Variants in ADGRL3 observed in about 807,000 individuals in gnomAD.
ADGRL3 encodes calcium-independent alpha-latrotoxin receptor 3.
In ADGRL3, 62 loss-of-function variants were observed where a neutral mutation model predicts 153.5. The ratio of observed to expected loss-of-function variants is 0.40; its 90% confidence interval spans 0.33 to 0.50. ADGRL3 has a LOEUF of 0.50. Among genes scored for constraint, ADGRL3 ranks in the 20% least tolerant of loss-of-function variants. The probability of loss-of-function intolerance (pLI) is 0.47; values close to 1 mark genes in which losing one functional copy is unlikely to be tolerated. For synonymous variants in ADGRL3, 710 were observed against 672.5 expected (o/e 1.06, Z -0.86); for missense variants, 1,641 against 1,859.4 (o/e 0.88, Z 2.16).
At chr4:61,555,478 T>C (rs766208177) in intron 4 of ADGRL3, among the ~76,000 whole-genome samples, 13 of 152,148 alleles carry the variant, frequency 8.5e-5, no homozygotes, top group Non-Finnish European at 1.9e-4. Context: ...AAATATTAAA[T>C]GAATGCACAC....
At chr4:61,876,655 A>G (rs973477488) in intron 9 of ADGRL3, among the ~76,000 whole-genome samples, 2 of 151,926 alleles carry the variant, frequency 1.3e-5, no homozygotes, top group African/African-American at 2.4e-5. Context: ...AGTAGAGAGT[A>G]TGAGAAATAA....
chr4:61,298,858 A>C (rs1201121381), intron 1 of ADGRL3, among the ~76,000 whole-genome samples: 3 of 152,274 alleles, frequency 2.0e-5, no homozygotes, highest in African/African-American at 7.2e-5. Flanking sequence ...TCCATTTCCA[A>C]ATAAATGACT....
chr4:61,643,530 G>A (rs927102225), intron 5 of ADGRL3, among the ~76,000 whole-genome samples: 350 of 151,938 alleles, frequency 2.3e-3, no homozygotes, highest in Non-Finnish European at 1.7e-3. Flanking sequence ...GGACTTTTTT[G>A]CATCTATTGA....
intron 8 of ADGRL3, among the ~76,000 whole-genome samples, chr4:61,747,002 G>T (rs969323336): frequency 6.6e-6 from 1 of 152,098 alleles, no homozygotes; most frequent in Non-Finnish European, 1.5e-5. Context: ...TCAAATAGAT[G>T]CAATAAAAAA....
chr4:61,756,096 A>G (rs915272742), intron 8 of ADGRL3, among the ~76,000 whole-genome samples: 10 of 152,112 alleles, frequency 6.6e-5, no homozygotes, highest in South Asian at 2.1e-4. Context: ...TTGACTTGGC[A>G]ATGCGGGCTC....
intron 9 of ADGRL3, among the ~76,000 whole-genome samples, chr4:61,889,056 C>T (rs1186700599): frequency 1.3e-5 from 2 of 152,150 alleles, no homozygotes; most frequent in African/African-American, 4.8e-5. Context: ...TTGTGGGATA[C>T]TATATTCTCC....
chr4:61,381,989 A>C (rs2096674393), intron 1 of ADGRL3, among the ~76,000 whole-genome samples: 1 of 151,958 alleles, frequency 6.6e-6, no homozygotes, highest in Admixed American at 6.6e-5. Context: ...TCCTGAACAA[A>C]ATATAACGCT....
At chr4:61,494,251 A>G (rs1257176454) in intron 2 of ADGRL3, among the ~76,000 whole-genome samples, 1 of 152,150 alleles carries the variant, frequency 6.6e-6, no homozygotes, top group Admixed American at 6.5e-5. Context: ...GAAATGCTAT[A>G]TATACATTTA....
At chr4:61,556,359 G>C (rs1447177653) in intron 4 of ADGRL3, among the ~76,000 whole-genome samples, 2 of 152,118 alleles carry the variant, frequency 1.3e-5, no homozygotes, top group African/African-American at 4.8e-5. Flanking sequence ...AAGGCTGTGA[G>C]ACAGGAGTTT....
intron 8 of ADGRL3, among the ~76,000 whole-genome samples, chr4:61,736,633 G>C (rs1407262588): frequency 2.6e-5 from 4 of 152,164 alleles, no homozygotes; most frequent in Non-Finnish European, 5.9e-5. Context: ...ACGCCAGCCT[G>C]AGTGACAGAG....
Position 61,750,182 on chromosome 4 carries a change from TAAAAAAAA to T in ADGRL3, c.1399+16646_1399+16653del, listed in dbSNP as rs60768535. ...GAGAAGAAAGAAAAAAGGGGATGGT[TAAAAAAAA>T]AAAAAAAAAAAAAAAAAGGCAGTAT... On this transcript the variant is annotated intron_variant, in intron 8 of 26. Coordinates refer to ENST00000683033, the MANE Select transcript of ADGRL3 (RefSeq NM_001387552.1). Among the ~76,000 whole-genome samples, 9 of 94,620 alleles carry T rather than the reference TAAAAAAAA, an allele frequency of 9.5e-5. No homozygotes were observed. In the East Asian group the frequency reaches 2.5e-3, roughly 27 times the overall value. 62.1% of individuals were successfully genotyped at this position (94,620 alleles called of 152,430 possible). A position where few individuals can be genotyped will look rare whatever the true frequency, so the allele number is the denominator to read the frequency against.
chr4:61,782,391 A>G (rs982111324), intron 8 of ADGRL3, among the ~76,000 whole-genome samples: 14 of 152,300 alleles, frequency 9.2e-5, no homozygotes, highest in Non-Finnish European at 2.1e-4. Context: ...GTAGCTTAGC[A>G]GCATTGCTTA....
At chr4:61,738,321 T>G (rs1218907291) in intron 8 of ADGRL3, among the ~76,000 whole-genome samples, 4 of 152,200 alleles carry the variant, frequency 2.6e-5, no homozygotes, top group African/African-American at 9.7e-5. Context: ...CACTCGTTGA[T>G]TGATGGGCAT....
At chr4:61,627,053 T>C (rs2092874279) in intron 5 of ADGRL3, among the ~76,000 whole-genome samples, 1 of 152,110 alleles carries the variant, frequency 6.6e-6, no homozygotes, top group Non-Finnish European at 1.5e-5. Context: ...CTGGATTTGC[T>C]CCTTTTCAAA....
At chr4:61,546,662 T>C (rs922021787) in intron 4 of ADGRL3, among the ~76,000 whole-genome samples, 3 of 152,148 alleles carry the variant, frequency 2.0e-5, no homozygotes, top group Admixed American at 2.0e-4. Flanking sequence ...ATTTACACCA[T>C]AGAAATGGGC....
At chr4:61,529,797 C>T (rs1411826819) in intron 4 of ADGRL3, among the ~76,000 whole-genome samples, 1 of 151,646 alleles carries the variant, frequency 6.6e-6, no homozygotes, top group Non-Finnish European at 1.5e-5. Flanking sequence ...TTGAAATGTG[C>T]AAAATTAAAG....
intron 1 of ADGRL3, among the ~76,000 whole-genome samples, chr4:61,370,757 A>G (rs1482211576): frequency 6.6e-6 from 1 of 152,118 alleles, no homozygotes; most frequent in Non-Finnish European, 1.5e-5. Context: ...CGCTTGGTGC[A>G]GAGCTGAGTT....
intron 17 of ADGRL3, among the ~76,000 whole-genome samples, chr4:61,972,936 G>A (rs2150696991): frequency 6.6e-6 from 1 of 151,952 alleles, no homozygotes; most frequent in East Asian, 1.9e-4. Flanking sequence ...GCAAGCAGTT[G>A]ATAATTATTA....
intron 2 of ADGRL3, among the ~76,000 whole-genome samples, chr4:61,458,287 A>C (rs1337411997): frequency 4.0e-5 from 6 of 151,384 alleles, no homozygotes; most frequent in Admixed American, 4.0e-4. Flanking sequence ...TATTTCACCT[A>C]TAATTTATGT....
Sources: gnomAD v4.1 joint callset for allele counts (sites outside exome capture counted in the v4.1 genomes callset) on GRCh38, gnomAD v4.1.1 for gene constraint, MANE v1.5 for transcripts, NCBI Gene and HGNC (gene_info 2026-07-23, HGNC 2026-07-21) for gene names.